The following PTPRN2 variants were observed in gnomAD, a reference collection of about 807,000 sequenced individuals.
The protein encoded by PTPRN2 is protein tyrosine phosphatase receptor type N2.
Under a neutral mutation model 118.8 loss-of-function variants are expected in PTPRN2, and 74 were observed. The ratio of observed to expected loss-of-function variants is 0.62; its 90% confidence interval spans 0.52 to 0.76. The LOEUF is 0.76. PTPRN2 is among the 30% of genes least tolerant of loss of function. The pLI is 0.00. For missense variants in PTPRN2, 1,481 were observed against 1,394.4 expected (o/e 1.06, Z -0.99); for synonymous variants, 641 against 608.0 (o/e 1.05, Z -0.80).
At chr7:158,407,134 CTG>C (rs1425303679) in intron 2 of PTPRN2, among the ~76,000 whole-genome samples, 7 of 144,608 alleles carry the variant, frequency 4.8e-5, no homozygotes, top group African/African-American at 7.5e-5. Context: ...GTCCTGGGTC[CTG>C]CGTCCTGCGT....
chr7:157,670,271 C>A (rs558948335), intron 13 of PTPRN2, among the ~76,000 whole-genome samples: 2 of 152,192 alleles, frequency 1.3e-5, no homozygotes, highest in Non-Finnish European at 2.9e-5. Flanking sequence ...CGGTCAGCTG[C>A]ATCCGAGAGT....
At chr7:157,875,070 C>T (rs1215635613) in intron 12 of PTPRN2, among the ~76,000 whole-genome samples, 4 of 152,186 alleles carry the variant, frequency 2.6e-5, no homozygotes, top group Admixed American at 2.0e-4. Flanking sequence ...CACACACACA[C>T]GCTCACTCAC....
Position 157,676,030 on chromosome 7 carries a change from C to T in PTPRN2, c.2001+6695G>A, listed in dbSNP as rs995000743. On this transcript the variant is annotated intron_variant, in intron 13 of 22. Transcript: ENST00000389418. This position sits in a 1 kb window ranked among gnomAD's most constrained non-coding sequence, Gnocchi z 5.6. ...TTCTGATCCTCTTGGGGTCACTCAG[C>T]CACACCGAGCCATGGACCGTCCCTT... Among the ~76,000 whole-genome samples the T allele has an allele frequency of 6.6e-6, 1 of 152,138 alleles. No homozygotes were observed. The highest frequency in any genetic ancestry group is 1.5e-5 in the Non-Finnish European group (1 of 68,006).
At chr7:157,643,576 C>T (rs953295100) in intron 14 of PTPRN2, among the ~76,000 whole-genome samples, 29 of 152,280 alleles carry the variant, frequency 1.9e-4, no homozygotes, top group African/African-American at 5.5e-4. Context: ...GGCACACCCA[C>T]GGCCCGGGCA....
intron 3 of PTPRN2, among the ~76,000 whole-genome samples, chr7:158,246,152 T>C (rs554691252): frequency 4.7e-4 from 71 of 151,864 alleles, no homozygotes; most frequent in Non-Finnish European, 9.9e-4. Flanking sequence ...GATTGATTGA[T>C]AATTTGATTT....
chr7:157,708,215 G>T (rs776851768), intron 12 of PTPRN2, among the ~76,000 whole-genome samples: 1 of 152,176 alleles, frequency 6.6e-6, no homozygotes, highest in Admixed American at 6.5e-5. Flanking sequence ...TCTGAGTGTT[G>T]CCTTCCCTTC....
chr7:158,524,028 G>A (rs868717325), intron 1 of PTPRN2, among the ~76,000 whole-genome samples: 11 of 83,434 alleles, frequency 1.3e-4, no homozygotes, highest in Non-Finnish European at 1.8e-4. Flanking sequence ...GGAGTCGTCT[G>A]CCCTGGAGTG....
At chr7:158,348,293 C>A (rs12698217) in intron 2 of PTPRN2, among the ~76,000 whole-genome samples, 2 of 143,950 alleles carry the variant, frequency 1.4e-5, no homozygotes, top group Non-Finnish European at 3.0e-5. Context: ...CCCAGAGCCA[C>A]CCTGGGTTCC....
intron 11 of PTPRN2, among the ~76,000 whole-genome samples, chr7:157,941,442 T>G: frequency 1.3e-5 from 1 of 79,480 alleles, no homozygotes; most frequent in African/African-American, 5.8e-5. Context: ...AAATCTAACA[T>G]CCTCCCCACC....
At chr7:158,164,248 C>T (rs1384282573) in intron 6 of PTPRN2, among the ~76,000 whole-genome samples, 1 of 150,254 alleles carries the variant, frequency 6.7e-6, no homozygotes, top group East Asian at 2.0e-4. Context: ...AGAGCAGGAG[C>T]GCACGCGTAG....
intron 3 of PTPRN2, among the ~76,000 whole-genome samples, chr7:158,278,384 G>A (rs1799180334): frequency 6.8e-6 from 1 of 147,050 alleles, no homozygotes; most frequent in Admixed American, 6.6e-5. Flanking sequence ...GTGAAGGTGG[G>A]CACCTGTAAT....
rs911830572 is a variant in PTPRN2 at position 158,485,134 on chromosome 7, A to G, written c.163+4601T>C. ...CGCAGGGCTTGTGGGTCGTCACAGC[A>G]TAATTCAGCCTTGAGCCACGAGACA... On this transcript the variant is annotated intron_variant, in intron 2 of 22. Transcript: ENST00000389418. Among the ~76,000 whole-genome samples the G allele has an allele frequency of 1.4e-4, 22 of 152,178 alleles. 1 individual carries two copies. Among genetic ancestry groups the G allele is most frequent in the African/African-American group, 4.8e-4 (20 of 41,538 alleles).
In PTPRN2 at chr7:157,805,522, C is replaced by A. The variant is rs140563689; in HGVS notation, c.1788+93151G>T. On this transcript the variant is annotated intron_variant, in intron 12 of 22. Coordinates refer to ENST00000389418, the MANE Select transcript of PTPRN2 (RefSeq NM_002847.5). Reference sequence around the variant, plus strand: ...AACATGCGAAGAATTTAAATGAGCACCAGGGGTGAAAATTAGACACATAGA... The same window carrying A: ...AACATGCGAAGAATTTAAATGAGCAACAGGGGTGAAAATTAGACACATAGA... 4.1e-3 allele frequency among the ~76,000 whole-genome samples: 624 copies of A among 152,156 alleles called. 3 individuals are homozygous for A. The highest frequency in any genetic ancestry group is 0.014 in the African/African-American group (574 of 41,482).
At chr7:157,743,133 C>T (rs1417454035) in intron 12 of PTPRN2, among the ~76,000 whole-genome samples, 1 of 152,188 alleles carries the variant, frequency 6.6e-6, no homozygotes, top group Non-Finnish European at 1.5e-5. Flanking sequence ...TGGGCAGCTC[C>T]CTGCATCTGA....
chr7:158,066,014 C>A (rs1810746476), intron 11 of PTPRN2, among the ~76,000 whole-genome samples: 1 of 152,210 alleles, frequency 6.6e-6, no homozygotes. Flanking sequence ...CAGGGACGGG[C>A]TTTCTTTCCA....
At position 157,656,669 on chromosome 7, in the gene PTPRN2, C is replaced by T. The variant is rs1012640808; in HGVS notation, c.2002-118G>A. 14 of 1,108,884 alleles carry T rather than the reference C, an allele frequency of 1.3e-5. No homozygotes were observed. In the East Asian group the frequency reaches 3.1e-4, roughly 25 times the overall value. The allele number at this position is 1,108,884 out of a possible 1,614,324, so 68.7% of individuals were successfully genotyped here. On this transcript the variant is annotated intron_variant, in intron 13 of 22. Coordinates refer to ENST00000389418, the MANE Select transcript of PTPRN2 (RefSeq NM_002847.5). ...CTCCTGCTAAGATCCAAGGTTCAGG[C>T]AGGCGAGAGTTTACCCCAGGGCAGG... is the stretch of plus-strand genomic sequence containing the variant.
chr7:157,625,929 A>C (rs778417648), intron 14 of PTPRN2, among the ~76,000 whole-genome samples: 4 of 152,208 alleles, frequency 2.6e-5, no homozygotes, highest in Admixed American at 2.0e-4. Flanking sequence ...CCCAGGGCCC[A>C]CAGCAAACTG....
At chr7:157,741,172 G>A (rs915786194) in intron 12 of PTPRN2, among the ~76,000 whole-genome samples, 4 of 152,174 alleles carry the variant, frequency 2.6e-5, no homozygotes, top group African/African-American at 9.7e-5. Context: ...CCAGCCCTAT[G>A]GAAAAGAGCC....
chr7:157,750,185 C>T (rs1406491728), intron 12 of PTPRN2, among the ~76,000 whole-genome samples: 1 of 152,056 alleles, frequency 6.6e-6, no homozygotes, highest in Non-Finnish European at 1.5e-5. Flanking sequence ...GCTTGTTGTT[C>T]ATAATTTTTA....
Sources: gnomAD v4.1 joint callset for allele counts (sites outside exome capture counted in the v4.1 genomes callset) on GRCh38, gnomAD v4.1.1 for gene constraint, Gnocchi (gnomAD v3.1) non-coding constraint, MANE v1.5 for transcripts, NCBI Gene and HGNC (gene_info 2026-07-23, HGNC 2026-07-21) for gene names.